CUL2: variants seen among roughly 807,000 people sequenced by gnomAD.
The protein encoded by CUL2 is cullin-2.
Under a neutral mutation model 110.2 loss-of-function variants are expected in CUL2, and 22 were observed. The ratio of observed to expected loss-of-function variants is 0.20; its 90% CI spans 0.14 to 0.28. The LOEUF (loss-of-function observed/expected upper bound fraction) is 0.28, where lower values mean the gene tolerates loss of function less well. Ranked by LOEUF, CUL2 falls within the 10% of genes least tolerant of loss-of-function variation. The pLI, the probability that CUL2 is intolerant of heterozygous loss-of-function variation, is 1.00. For missense variants in CUL2, 631 were observed against 905.5 expected (o/e 0.70, Z 3.89); for synonymous variants, 279 against 293.2 (o/e 0.95, Z 0.49).
intron 19 of CUL2, 44 bp downstream of exon 19, chr10:35,013,654 TA>T (rs1453703349): frequency 1.6e-6 from 2 of 1,282,268 alleles, no homozygotes; most frequent in Middle Eastern, 3.7e-4. Flanking sequence ...GTCCAATGCT[TA>T]AATGTTTCCC....
intron 3 of CUL2, 97 bp downstream of exon 3, chr10:35,062,863 C>T: frequency 1.4e-6 from 1 of 715,496 alleles, no homozygotes; most frequent in Non-Finnish European, 2.3e-6. Context: ...AGCAGCAAAA[C>T]AAGCTGACCT....
intron 1 of CUL2, among the ~76,000 whole-genome samples, chr10:35,108,844 C>T (rs2087495331): frequency 6.6e-6 from 1 of 152,212 alleles, no homozygotes; most frequent in Non-Finnish European, 1.5e-5. Flanking sequence ...CTCCATGGGA[C>T]TTCCTGGATC....
At chr10:35,081,318 C>T (rs1792556944) in intron 1 of CUL2, among the ~76,000 whole-genome samples, 1 of 152,196 alleles carries the variant, frequency 6.6e-6, no homozygotes, top group African/African-American at 2.4e-5. Context: ...CATAAGACTG[C>T]ACAGCCTATA....
intron 6 of CUL2, among the ~76,000 whole-genome samples, chr10:35,048,288 G>A (rs2384285): frequency 0.14 from 20,582 of 152,040 alleles, 1,585 homozygotes; most frequent in South Asian, 0.2. Context: ...AATGGAAGCC[G>A]ATTATAACAA....
At chr10:35,106,383 G>A (rs908774766) in intron 1 of CUL2, among the ~76,000 whole-genome samples, 3 of 151,448 alleles carry the variant, frequency 2.0e-5, no homozygotes, top group East Asian at 3.9e-4. Context: ...GCAGTGGCGC[G>A]ATCTCCGGTC....
At chr10:35,039,204 G>A in intron 8 of CUL2, 122 bp from the exon 9 acceptor site, 1 of 518,130 alleles carries the variant, frequency 1.9e-6, no homozygotes, top group Non-Finnish European at 3.3e-6. Flanking sequence ...AGGTAATAAG[G>A]GTTACATAAG....
intron 17 of CUL2, among the ~76,000 whole-genome samples, chr10:35,021,955 C>G (rs1053909423): frequency 1.3e-5 from 2 of 151,254 alleles, no homozygotes; most frequent in South Asian, 2.1e-4. Context: ...CTCTTGAAAA[C>G]AAGTTGAGAT....
chr10:35,083,552 A>C (rs991223173), intron 1 of CUL2, among the ~76,000 whole-genome samples: 1 of 152,338 alleles, frequency 6.6e-6, no homozygotes, highest in South Asian at 2.1e-4. Flanking sequence ...AGCAGGAAAA[A>C]TACAAGTTGA....
chr10:35,070,396 T>A (rs983101675), intron 2 of CUL2, among the ~76,000 whole-genome samples: 1 of 152,298 alleles, frequency 6.6e-6, no homozygotes, highest in East Asian at 1.9e-4. Context: ...GAATTAGGCA[T>A]TCAGAACAAG....
chr10:35,073,538 A>C (rs772327159), intron 1 of CUL2, among the ~76,000 whole-genome samples: 2 of 151,494 alleles, frequency 1.3e-5, no homozygotes, highest in Non-Finnish European at 2.9e-5. Flanking sequence ...AATCCTCCCA[A>C]CATTCTGACA....
chr10:35,021,863 G>GGTGAGGTGGGGTGA (rs1400066877), intron 17 of CUL2, among the ~76,000 whole-genome samples: 5 of 61,266 alleles, frequency 8.2e-5, no homozygotes, highest in African/African-American at 1.3e-4. Context: ...AGGTGAGGTG[G>GGTGAGGTGGGGTGA]GGTGGGGTGA....
intron 1 of CUL2, among the ~76,000 whole-genome samples, chr10:35,077,108 C>T (rs2135020908): frequency 6.6e-6 from 1 of 152,224 alleles, no homozygotes; most frequent in East Asian, 1.9e-4. Context: ...AAGTGTCTAT[C>T]AACTGATAAA....
At chr10:35,081,056 A>G (rs1276010829) in intron 1 of CUL2, among the ~76,000 whole-genome samples, 1 of 152,058 alleles carries the variant, frequency 6.6e-6, no homozygotes, top group East Asian at 1.9e-4. Flanking sequence ...TTTAAAAAAA[A>G]ATAAAATTAT....
intron 1 of CUL2, among the ~76,000 whole-genome samples, chr10:35,124,798 C>T (rs573620896): frequency 2.0e-5 from 3 of 152,118 alleles, no homozygotes; most frequent in African/African-American, 4.8e-5. Context: ...CAGTTGGATT[C>T]GGAGAGGAAA....
intron 1 of CUL2, chr10:35,118,153 T>C (rs990416146): frequency 1.3e-5 from 2 of 152,248 alleles, no homozygotes; most frequent in African/African-American, 4.8e-5. Context: ...TCATGCAGAA[T>C]AGTTTCACTG....
intron 1 of CUL2, among the ~76,000 whole-genome samples, chr10:35,085,416 C>T (rs1224472430): frequency 6.6e-6 from 1 of 150,406 alleles, no homozygotes; most frequent in South Asian, 2.1e-4. Context: ...GGCGACAAAG[C>T]GAGACACCGT....
At chr10:35,017,762 A>C (rs1381317780) in intron 17 of CUL2, among the ~76,000 whole-genome samples, 2 of 151,824 alleles carry the variant, frequency 1.3e-5, no homozygotes, top group Non-Finnish European at 2.9e-5. Flanking sequence ...AGTATTATGT[A>C]TACTACAGTT....
At chr10:35,107,881 CAAAAAAA>C (rs56140666) in intron 1 of CUL2, among the ~76,000 whole-genome samples, 2 of 42,102 alleles carry the variant, frequency 4.8e-5, no homozygotes, top group Non-Finnish European at 7.7e-5. Flanking sequence ...GACTCCATCT[CAAAAAAA>C]AAAAAAAAAA....
intron 1 of CUL2, among the ~76,000 whole-genome samples, chr10:35,102,665 A>C (rs565422854): frequency 1.7e-4 from 25 of 150,202 alleles, no homozygotes; most frequent in Middle Eastern, 3.6e-3. Flanking sequence ...CGGGTGGATC[A>C]TGAGGTCAGG....
Sources: gnomAD v4.1 joint callset for allele counts (sites outside exome capture counted in the v4.1 genomes callset) on GRCh38, gnomAD v4.1.1 for gene constraint, MANE v1.5 for transcripts, NCBI Gene and HGNC (gene_info 2026-07-23, HGNC 2026-07-21) for gene names.